Variants in ADCY9 observed in about 807,000 individuals in gnomAD.
ADCY9 encodes adenylate cyclase type 9.
ADCY9 carries 50 observed loss-of-function variants against 101.5 expected under a neutral mutation model. That is an observed-to-expected ratio of 0.49 (90% CI 0.39 to 0.62). The LOEUF is 0.62. Ranked by LOEUF, ADCY9 falls within the 20% of genes least tolerant of loss-of-function variation. ADCY9 has a pLI of 0.00. For missense variants in ADCY9, 1,662 were observed against 1,800.4 expected, an observed-to-expected ratio of 0.92 and a Z score of 1.39; for synonymous variants, 905 against 769.3, an observed-to-expected ratio of 1.18 and a Z score of -2.92.
rs1273787215 is a variant in ADCY9 at position 3,965,199 on chromosome 16, C to T, written c.*576G>A. 5 of 157,456 alleles carry T rather than the reference C, an allele frequency of 3.2e-5. No individual in the cohort carries two copies. Among genetic ancestry groups the T allele is most frequent in the Non-Finnish European group, 7.0e-5 (5 of 71,280 alleles). The allele number at this position is 157,456 out of a possible 1,614,324, so 9.8% of individuals were successfully genotyped here. A position where few individuals can be genotyped will look rare whatever the true frequency, so the allele number is the denominator to read the frequency against. On this transcript the variant is annotated 3_prime_UTR_variant, in exon 11 of 11. Coordinates refer to ENST00000294016, the MANE Select transcript of ADCY9 (RefSeq NM_001116.4). ...GGGCAATGGGGGGTGGCGGAGCTGTCGTGACATGCCCCCTTCGCACCCCCT... is the reference window on the plus strand; with the variant it reads ...GGGCAATGGGGGGTGGCGGAGCTGTTGTGACATGCCCCCTTCGCACCCCCT...
downstream of ADCY9, among the ~76,000 whole-genome samples, chr16:3,960,057 T>C (rs1410864922): frequency 6.6e-6 from 1 of 151,664 alleles, no homozygotes; most frequent in Non-Finnish European, 1.5e-5. Flanking sequence ...TAAAAACGCA[T>C]GTAACAATGA....
intron 2 of ADCY9, among the ~76,000 whole-genome samples, chr16:4,112,296 T>C (rs1193723042): frequency 6.6e-6 from 1 of 152,200 alleles, no homozygotes; most frequent in East Asian, 1.9e-4. Context: ...ACATAGTCCT[T>C]AAAGTGCTCT....
chr16:4,082,983 T>C (rs2056914950), intron 2 of ADCY9, among the ~76,000 whole-genome samples: 1 of 152,172 alleles, frequency 6.6e-6, no homozygotes, highest in South Asian at 2.1e-4. Context: ...CACTGTGTCA[T>C]TCGGAATGGC....
At chr16:4,063,718 A>T (rs945541926) in intron 2 of ADCY9, among the ~76,000 whole-genome samples, 4 of 151,996 alleles carry the variant, frequency 2.6e-5, no homozygotes, top group Admixed American at 2.6e-4. Context: ...TCTCAAAAAA[A>T]AAAAACACAA....
chr16:4,050,708 C>A (rs1020024003), intron 2 of ADCY9, among the ~76,000 whole-genome samples: 2 of 75,152 alleles, frequency 2.7e-5, no homozygotes, highest in African/African-American at 1.2e-4. Flanking sequence ...AGTGAAACTC[C>A]GTCTCAAAAA....
At chr16:3,956,507 G>T (rs1276638376) in intron 5 of ADCY9, among the ~76,000 whole-genome samples, 2 of 5,522 alleles carry the variant, frequency 3.6e-4, no homozygotes, top group Admixed American at 8.8e-4. Flanking sequence ...TTTTTTTGGG[G>T]GGGGATGGAG....
intron 2 of ADCY9, among the ~76,000 whole-genome samples, chr16:4,090,299 G>C (rs1024884276): frequency 6.6e-6 from 1 of 152,096 alleles, no homozygotes; most frequent in East Asian, 1.9e-4. Context: ...AGGATGAACA[G>C]ATTTTTTTTC....
chr16:3,960,680 C>A (rs375160721), downstream of ADCY9, among the ~76,000 whole-genome samples: 109 of 152,294 alleles, frequency 7.2e-4, 2 homozygotes, highest in South Asian at 0.021. Context: ...AGAATCCCCG[C>A]TGTTGACTGA....
In ADCY9 at chr16:3,989,006, G is replaced by A; in HGVS notation, c.2298C>T (p.Ser766=). The A allele has an allele frequency of 6.2e-7, 1 of 1,613,268 alleles. No homozygotes were observed. Among genetic ancestry groups the A allele is most frequent in the Non-Finnish European group, 8.5e-7 (1 of 1,179,260 alleles). Residue 766 remains serine, a synonymous_variant, in exon 6 of 11, where the codon AGC becomes AGT. Transcript: ENST00000294016. ...GAAATGAACGCACCTCTTCCTGATA[G>A]CTGGTCCTGTAGGATCGCTCCAGCT... ...DQELERSYRT[S]YQEEVIKNSP...
chr16:4,091,715 C>T (rs781447958), intron 2 of ADCY9, among the ~76,000 whole-genome samples: 2 of 152,210 alleles, frequency 1.3e-5, no homozygotes, highest in Non-Finnish European at 2.9e-5. Flanking sequence ...CACAAAGCCA[C>T]GTATCCTACG....
chr16:4,078,580 CAA>C (rs1395654548), intron 2 of ADCY9, among the ~76,000 whole-genome samples: 1 of 70,652 alleles, frequency 1.4e-5, no homozygotes, highest in African/African-American at 4.0e-5. Context: ...AAAAAGAAAA[CAA>C]AAACATAAAA....
intron 2 of ADCY9, among the ~76,000 whole-genome samples, chr16:4,082,674 A>G (rs1479718163): frequency 6.7e-6 from 1 of 149,970 alleles, no homozygotes; most frequent in Non-Finnish European, 1.5e-5. Flanking sequence ...ACCCATGCAC[A>G]CCCATGCATG....
intron 2 of ADCY9, among the ~76,000 whole-genome samples, chr16:4,025,797 G>A (rs547805189): frequency 2.0e-5 from 3 of 152,170 alleles, no homozygotes; most frequent in Non-Finnish European, 2.9e-5. Flanking sequence ...GACTTTCAGG[G>A]AAGGGGGTGT....
chr16:4,029,365 G>C (rs1306191261), intron 2 of ADCY9, among the ~76,000 whole-genome samples: 1 of 152,168 alleles, frequency 6.6e-6, no homozygotes, highest in Non-Finnish European at 1.5e-5. Flanking sequence ...CAATTTCGTA[G>C]TAAAAAGGCA....
At chr16:4,049,137 A>G (rs2141146709) in intron 2 of ADCY9, among the ~76,000 whole-genome samples, 1 of 152,294 alleles carries the variant, frequency 6.6e-6, no homozygotes, top group East Asian at 1.9e-4. Context: ...GGAATTCCTA[A>G]AAGAGTGGTT....
intron 2 of ADCY9, among the ~76,000 whole-genome samples, chr16:4,087,861 TTC>T (rs1275118241): frequency 6.6e-6 from 1 of 151,174 alleles, no homozygotes; most frequent in Non-Finnish European, 1.5e-5. Flanking sequence ...TTTTCTTTGT[TTC>T]TCTTTGTTTC....
At chr16:4,008,965 G>A (rs577527692) in intron 2 of ADCY9, among the ~76,000 whole-genome samples, 8 of 152,230 alleles carry the variant, frequency 5.3e-5, no homozygotes, top group South Asian at 4.2e-4. Flanking sequence ...GGCTTCTTAC[G>A]CTGGGTACAT....
chr16:4,030,411 A>C (rs1302125841), intron 2 of ADCY9, among the ~76,000 whole-genome samples: 2 of 152,104 alleles, frequency 1.3e-5, no homozygotes, highest in Non-Finnish European at 2.9e-5. Context: ...CCACAAAAGA[A>C]TATATACTGA....
At chr16:4,032,182 G>T (rs1286355023) in intron 2 of ADCY9, 1 of 152,010 alleles carries the variant, frequency 6.6e-6, no homozygotes, top group Non-Finnish European at 1.5e-5. Context: ...CCAGCTACTC[G>T]GGAGGCTGAG....
Sources: gnomAD v4.1 joint callset for allele counts (sites outside exome capture counted in the v4.1 genomes callset) on GRCh38, gnomAD v4.1.1 for gene constraint, MANE v1.5 for transcripts, NCBI Gene and HGNC (gene_info 2026-07-23, HGNC 2026-07-21) for gene names.